Variants in STXBP6 observed in about 807,000 individuals in gnomAD.
STXBP6 encodes the protein syntaxin-binding protein 6.
STXBP6 carries 21 observed loss-of-function variants against 26.9 expected under a neutral mutation model. The ratio of observed to expected loss-of-function variants is 0.78; its 90% CI spans 0.55 to 1.12. The LOEUF (loss-of-function observed/expected upper bound fraction) is 1.12, where lower values mean the gene tolerates loss of function less well. Among genes scored for constraint, STXBP6 ranks in the 50% most tolerant of loss-of-function variants. STXBP6 has a pLI of 0.00. For missense variants in STXBP6, 232 were observed against 257.9 expected, an observed-to-expected ratio of 0.90 and a Z score of 0.69; for synonymous variants, 97 against 92.6, an observed-to-expected ratio of 1.05 and a Z score of -0.27.
chr14:24,841,495 C>T (rs2068782754), intron 4 of STXBP6, among the ~76,000 whole-genome samples: 1 of 152,152 alleles, frequency 6.6e-6, no homozygotes, highest in Non-Finnish European at 1.5e-5. Context: ...ATCATCTTTT[C>T]AAATACTGGT....
intron 4 of STXBP6, among the ~76,000 whole-genome samples, chr14:24,845,492 G>T (rs2068932478): frequency 6.6e-6 from 1 of 152,102 alleles, no homozygotes; most frequent in South Asian, 2.1e-4. Flanking sequence ...TAAGTACTGG[G>T]TCTTCATAAA....
intron 1 of STXBP6, among the ~76,000 whole-genome samples, chr14:24,981,969 T>A (rs183016879): frequency 1.3e-5 from 2 of 152,190 alleles, no homozygotes; most frequent in Admixed American, 1.3e-4. Context: ...AATGAGCTCA[T>A]GAATTTGCAA....
chr14:24,883,961 G>A lies in STXBP6; in HGVS notation c.155-26804C>T, dbSNP rs1595040656. ...TTTAAAACAAGGTTTAAACATAGGG[G>A]ACAACTAAAAACATTAACTCTCCTC... On this transcript the variant is annotated intron_variant, in intron 2 of 5. Transcript: ENST00000323944. Among the ~76,000 whole-genome samples the A allele has an allele frequency of 2.0e-5, 3 of 152,172 alleles. No homozygotes were observed. The South Asian group carries it at 6.2e-4, about 32-fold the overall frequency.
chr14:24,872,410 G>A (rs1474796955), intron 2 of STXBP6, among the ~76,000 whole-genome samples: 14 of 152,150 alleles, frequency 9.2e-5, no homozygotes, highest in Admixed American at 9.2e-4. Context: ...TGAAGTCAGT[G>A]ATAACATACA....
rs2068078750 is a variant in STXBP6, at chr14:24,819,479, G to C, written c.452-285C>G. ...CCATTCTGCCAGTATTCTATCTGTG[G>C]AGGCTCAAAAGGATGGGGCCTGTCT... On this transcript the variant is annotated intron_variant, in intron 4 of 5. Transcript: ENST00000323944. The C allele has an allele frequency of 5.2e-6, 3 of 572,468 alleles. No individual in the cohort carries two copies. The South Asian group carries it at 7.0e-5, about 13-fold the overall frequency. The allele number at this position is 572,468 out of a possible 1,614,324, so 35.5% of individuals were successfully genotyped here. A position where few individuals can be genotyped will look rare whatever the true frequency, so the allele number is the denominator to read the frequency against.
chr14:24,908,555 T>C (rs1283151670), intron 2 of STXBP6, among the ~76,000 whole-genome samples: 3 of 152,246 alleles, frequency 2.0e-5, no homozygotes, highest in African/African-American at 7.2e-5. Context: ...CCACGTCCAC[T>C]GTGCTCTAGA....
Position 24,809,505 on chromosome 14 carries a change from A to T in STXBP6, c.*3204T>A, listed in dbSNP as rs978535592. ...ACATTCCAAGCTTTTCCATTAGAACATATGTAATGACATTTTATCATCATG... is the reference window on the plus strand; with the variant it reads ...ACATTCCAAGCTTTTCCATTAGAACTTATGTAATGACATTTTATCATCATG... On this transcript the variant is annotated 3_prime_UTR_variant, in exon 6 of 6. Coordinates refer to ENST00000323944, the MANE Select transcript of STXBP6 (RefSeq NM_001394410.1). 2.0e-5 allele frequency among the ~76,000 whole-genome samples: 3 copies of T among 152,206 alleles called. No individual in the cohort carries two copies. Among genetic ancestry groups the T allele is most frequent in the African/African-American group, 7.2e-5 (3 of 41,460 alleles).
chr14:24,948,993 G>A (rs1299704574), intron 2 of STXBP6, among the ~76,000 whole-genome samples: 4 of 151,988 alleles, frequency 2.6e-5, no homozygotes, highest in Non-Finnish European at 5.9e-5. Context: ...CTTGATACTC[G>A]GTGTCATAGT....
chr14:24,827,459 C>T (rs923136526), intron 4 of STXBP6, among the ~76,000 whole-genome samples: 5 of 152,098 alleles, frequency 3.3e-5, no homozygotes, highest in Admixed American at 3.3e-4. Context: ...TTCTTCTGAT[C>T]TGCTCCTCCT....
rs962857870 is a variant in STXBP6, at chr14:24,841,723, C to T, written c.451+14213G>A. Among the ~76,000 whole-genome samples the T allele has an allele frequency of 3.3e-5, 5 of 152,296 alleles. No individual in the cohort carries two copies. In the East Asian group the frequency reaches 9.6e-4, roughly 29 times the overall value. On this transcript the variant is annotated intron_variant, in intron 4 of 5. Coordinates refer to ENST00000323944, the MANE Select transcript of STXBP6 (RefSeq NM_001394410.1). ...TCAAATGAGTCTATTTCAGAGACTA[C>T]ATTTTTCATTTCCAGGATTATTTTT...
chr14:24,893,828 C>G (rs950605284), intron 2 of STXBP6, among the ~76,000 whole-genome samples: 2 of 152,160 alleles, frequency 1.3e-5, no homozygotes, highest in Non-Finnish European at 2.9e-5. Flanking sequence ...CTTTAAGGAA[C>G]AGCTAGCTTT....
At chr14:24,955,172 T>C (rs559439163) in intron 2 of STXBP6, among the ~76,000 whole-genome samples, 1 of 152,292 alleles carries the variant, frequency 6.6e-6, no homozygotes, top group East Asian at 1.9e-4. Flanking sequence ...ATGTTGAACA[T>C]GGCAGGAGGA....
At chr14:24,937,543 A>G (rs1470288523) in intron 2 of STXBP6, among the ~76,000 whole-genome samples, 1 of 152,244 alleles carries the variant, frequency 6.6e-6, no homozygotes, top group African/African-American at 2.4e-5. Context: ...TTATGTGATG[A>G]CTGCCACCTG....
chr14:24,960,018 G>C (rs1461219663), intron 2 of STXBP6, among the ~76,000 whole-genome samples: 2 of 152,194 alleles, frequency 1.3e-5, no homozygotes, highest in Admixed American at 1.3e-4. Flanking sequence ...CAGATTTCAG[G>C]TTCCAAAAGG....
At chr14:25,036,830 T>C (rs1430889522) in intron 1 of STXBP6, among the ~76,000 whole-genome samples, 3 of 123,920 alleles carry the variant, frequency 2.4e-5, no homozygotes, top group Non-Finnish European at 4.7e-5. Flanking sequence ...CACTCCAGCC[T>C]GGGCGACAGA....
rs368263316 is a variant in STXBP6 at position 25,041,998 on chromosome 14, A to G, written c.-33+7880T>C. ...GAAAGCAATAAACATCAGGCTGTGG[A>G]GACTGGAAACTAGTTTGATTTATTG... On this transcript the variant is annotated intron_variant, in intron 1 of 5. Transcript: ENST00000323944. Among the ~76,000 whole-genome samples the G allele has an allele frequency of 1.6e-4, 24 of 152,330 alleles. No homozygotes were observed. In the East Asian group the frequency reaches 1.9e-3, roughly 12 times the overall value.
At chr14:25,033,303 G>A (rs939347242) in intron 1 of STXBP6, among the ~76,000 whole-genome samples, 5 of 151,996 alleles carry the variant, frequency 3.3e-5, no homozygotes, top group Non-Finnish European at 7.4e-5. Flanking sequence ...CACCCGGTTC[G>A]CTCCATCTTT....
intron 1 of STXBP6, among the ~76,000 whole-genome samples, chr14:25,016,694 T>C (rs2075156685): frequency 6.6e-6 from 1 of 152,164 alleles, no homozygotes; most frequent in East Asian, 1.9e-4. Flanking sequence ...AGACTCCTGG[T>C]TTGTGAACTT....
intron 1 of STXBP6, among the ~76,000 whole-genome samples, chr14:24,991,615 T>A (rs1451030221): frequency 6.6e-6 from 1 of 152,170 alleles, no homozygotes; most frequent in African/African-American, 2.4e-5. Flanking sequence ...AAAAGACATA[T>A]TAATGCAAGA....
Sources: allele counts gnomAD v4.1 joint callset (sites outside exome capture counted in the v4.1 genomes callset), GRCh38; gene constraint gnomAD v4.1.1; transcripts MANE v1.5; gene names NCBI Gene and HGNC (gene_info 2026-07-23, HGNC 2026-07-21).